The following NCOA2 variants were observed in gnomAD, a reference collection of about 807,000 sequenced individuals.
The protein encoded by NCOA2 is class E basic helix-loop-helix protein 75.
Under a neutral mutation model 145.1 loss-of-function variants are expected in NCOA2, and 21 were observed. The ratio of observed to expected loss-of-function variants is 0.14; its 90% CI spans 0.10 to 0.21. NCOA2 has a LOEUF of 0.21. Among genes scored for constraint, NCOA2 ranks in the 10% least tolerant of loss-of-function variants. The pLI is 1.00. For synonymous variants in NCOA2, 619 were observed against 637.5 expected (o/e 0.97, Z 0.44); for missense variants, 1,472 against 1,837.6 (o/e 0.80, Z 3.64).
At chr8:70,322,946 T>C (rs1485411051) in intron 1 of NCOA2, among the ~76,000 whole-genome samples, 1 of 152,236 alleles carries the variant, frequency 6.6e-6, no homozygotes, top group African/African-American at 2.4e-5. Context: ...AAAGTCCAGA[T>C]GGTATCTTCT....
chr8:70,399,191 T>C (rs997751356), intron 1 of NCOA2, among the ~76,000 whole-genome samples: 1 of 152,242 alleles, frequency 6.6e-6, no homozygotes, highest in Non-Finnish European at 1.5e-5. Flanking sequence ...TTACTTGTAA[T>C]AGACTTTAGA....
intron 4 of NCOA2, among the ~76,000 whole-genome samples, chr8:70,205,267 TAGAC>T (rs1818316592): frequency 1.3e-5 from 2 of 152,060 alleles, no homozygotes; most frequent in African/African-American, 4.8e-5. Context: ...GTAATGGGAA[TAGAC>T]AGAAACAGGA....
At chr8:70,427,791 T>C in the NCOA2 span, among the ~76,000 whole-genome samples, 1 of 152,190 alleles carries the variant, frequency 6.6e-6, no homozygotes, top group African/African-American at 2.4e-5. Flanking sequence ...TTATGACATA[T>C]GCCATGTGAC....
At chr8:70,389,311 G>A (rs532696253) in intron 1 of NCOA2, among the ~76,000 whole-genome samples, 43 of 150,978 alleles carry the variant, frequency 2.8e-4, no homozygotes, top group South Asian at 4.2e-4. Flanking sequence ...ACGCAGTTTC[G>A]CTCTTATTGC....
chr8:70,181,831 T>C (rs1434044505), intron 4 of NCOA2, among the ~76,000 whole-genome samples: 3 of 152,174 alleles, frequency 2.0e-5, no homozygotes, highest in African/African-American at 7.2e-5. Context: ...ACTGGATGTT[T>C]CAGGTGAAGT....
chr8:70,243,927 T>A (rs1216483568), intron 2 of NCOA2, among the ~76,000 whole-genome samples: 1 of 152,012 alleles, frequency 6.6e-6, no homozygotes, highest in Admixed American at 6.6e-5. Context: ...TCCCATTTAA[T>A]AAAATTAATG....
Position 70,123,982 on chromosome 8 carries a change from C to T in NCOA2, c.4195G>A (p.Gly1399Ser). The change falls in exon 21 of 23, where the codon GGT becomes AGT. Residue 1399 changes from glycine to serine, a missense_variant. By Grantham distance (56) the Gly-to-Ser change is moderately conservative. Coordinates refer to ENST00000452400, the MANE Select transcript of NCOA2 (RefSeq NM_006540.4). The stretch of plus-strand genomic sequence containing the variant: ...ATCTGGTTCATGCTGCTCATGCCAC[C>T]TGTGTTGGTCGCCATGGACACATTG... The part of the protein sequence containing the change: ...NINVSMATNT[G>S]GMSSMNQMTG... 6.2e-7 allele frequency: 1 copy of T among 1,614,000 alleles called. No individual in the cohort carries two copies. Among genetic ancestry groups the T allele is most frequent in the Non-Finnish European group, 8.5e-7 (1 of 1,179,880 alleles).
intron 2 of NCOA2, among the ~76,000 whole-genome samples, chr8:70,217,490 T>A (rs1183635366): frequency 6.6e-6 from 1 of 152,072 alleles, no homozygotes; most frequent in South Asian, 2.1e-4. Flanking sequence ...AAACTTTCCT[T>A]CCCTCAGCTG....
intron 1 of NCOA2, among the ~76,000 whole-genome samples, chr8:70,346,347 A>C (rs900768252): frequency 1.3e-5 from 2 of 152,178 alleles, no homozygotes; most frequent in African/African-American, 4.8e-5. Context: ...TGCTTGCTAA[A>C]CATTTATTAC....
At chr8:70,342,286 A>C (rs1808206845) in intron 1 of NCOA2, among the ~76,000 whole-genome samples, 1 of 152,174 alleles carries the variant, frequency 6.6e-6, no homozygotes, top group African/African-American at 2.4e-5. Context: ...AACAGGAAGC[A>C]AAACAAAACA....
rs1206036764 is a variant in NCOA2 at position 70,382,280 on chromosome 8, C to T, written c.-77+21420G>A. 4.6e-5 allele frequency among the ~76,000 whole-genome samples: 7 copies of T among 152,022 alleles called. No homozygotes were observed. In the East Asian group the frequency reaches 1.2e-3, roughly 25 times the overall value. ...TCAGTGCCCCGAGGCCAGGAGGAGGCCCACCTGACACAAGCAGGCAGACGG... is the reference window on the plus strand; with the variant it reads ...TCAGTGCCCCGAGGCCAGGAGGAGGTCCACCTGACACAAGCAGGCAGACGG... On this transcript the variant is annotated intron_variant, in intron 1 of 22. Transcript: ENST00000452400.
At chr8:70,225,165 C>T (rs1423884870) in intron 2 of NCOA2, among the ~76,000 whole-genome samples, 1 of 152,134 alleles carries the variant, frequency 6.6e-6, no homozygotes, top group Non-Finnish European at 1.5e-5. Context: ...GTCACTGACT[C>T]TTATATTCTA....
the NCOA2 span, among the ~76,000 whole-genome samples, chr8:70,412,090 G>GC: frequency 6.6e-6 from 1 of 152,076 alleles, no homozygotes; most frequent in Non-Finnish European, 1.5e-5. Context: ...AGATTTCTTA[G>GC]CATCCCTCAC....
chr8:70,366,443 T>C (rs986723225), intron 1 of NCOA2, among the ~76,000 whole-genome samples: 1 of 152,052 alleles, frequency 6.6e-6, no homozygotes, highest in African/African-American at 2.4e-5. Context: ...GAACTGGCTT[T>C]AATATGCCTT....
At chr8:70,322,338 T>C (rs1563762703) in intron 1 of NCOA2, among the ~76,000 whole-genome samples, 2 of 152,204 alleles carry the variant, frequency 1.3e-5, no homozygotes, top group South Asian at 4.1e-4. Flanking sequence ...CTATGATAAA[T>C]ATTTACTGAT....
chr8:70,174,340 T>C (rs1231500947), intron 5 of NCOA2, among the ~76,000 whole-genome samples: 1 of 152,184 alleles, frequency 6.6e-6, no homozygotes, highest in Non-Finnish European at 1.5e-5. Context: ...ATAGCATAAA[T>C]AGAAAGCATA....
chr8:70,306,160 C>T lies in NCOA2; in HGVS notation c.-76-9360G>A, dbSNP rs540087641. ...GGATCCTATGGCAACAGTACCATTT[C>T]GGGAAAAAATTGAGATCTAGAGCAA... On this transcript the variant is annotated intron_variant, in intron 1 of 22. Transcript: ENST00000452400. Among the ~76,000 whole-genome samples, 7 of 152,156 alleles carry T rather than the reference C, an allele frequency of 4.6e-5. No individual in the cohort carries two copies. In the South Asian group the frequency reaches 1.4e-3, roughly 32 times the overall value.
At chr8:70,368,595 T>C (rs1810922990) in intron 1 of NCOA2, among the ~76,000 whole-genome samples, 1 of 152,256 alleles carries the variant, frequency 6.6e-6, no homozygotes, top group Non-Finnish European at 1.5e-5. Flanking sequence ...TTTATTTTTC[T>C]TATAAAACAG....
At position 70,374,944 on chromosome 8, in the gene NCOA2, G is replaced by C. The variant is rs556664009; in HGVS notation, c.-77+28756C>G. 5.4e-5 allele frequency among the ~76,000 whole-genome samples: 8 copies of C among 149,322 alleles called. 1 individual carries two copies. In the South Asian group the frequency reaches 1.7e-3, roughly 31 times the overall value. On this transcript the variant is annotated intron_variant, in intron 1 of 22. Coordinates refer to ENST00000452400, the MANE Select transcript of NCOA2 (RefSeq NM_006540.4). Reference sequence around the variant, plus strand: ...GTTTCCTTAATAAACAATTTCATAAGGAAAACAATTATATATAATAAATCT... The same window carrying C: ...GTTTCCTTAATAAACAATTTCATAACGAAAACAATTATATATAATAAATCT...
Sources: gnomAD v4.1 joint callset for allele counts (sites outside exome capture counted in the v4.1 genomes callset) on GRCh38, gnomAD v4.1.1 for gene constraint, MANE v1.5 for transcripts, NCBI Gene and HGNC (gene_info 2026-07-23, HGNC 2026-07-21) for gene names.